The following DGKI variants were observed in gnomAD, a reference collection of about 807,000 sequenced individuals.
DGKI encodes diacylglycerol kinase iota.
Under a neutral mutation model 147.5 loss-of-function variants are expected in DGKI, and 55 were observed. The ratio of observed to expected loss-of-function variants is 0.37; its 90% CI spans 0.30 to 0.47. The LOEUF is 0.47. Ranked by LOEUF, DGKI falls within the 20% of genes least tolerant of loss-of-function variation. DGKI has a pLI of 1.00. For synonymous variants in DGKI, 469 were observed against 477.1 expected (o/e 0.98, Z 0.22); for missense variants, 1,007 against 1,323.8 (o/e 0.76, Z 3.71).
At chr7:137,412,055 C>A in intron 29 of DGKI, 115 bp downstream of exon 29, 1 of 1,002,864 alleles carries the variant, frequency 1.0e-6, no homozygotes. Context: ...TTCTACCCAG[C>A]CAGTGCAAGC....
chr7:137,553,651 T>C (rs953952850), intron 19 of DGKI, among the ~76,000 whole-genome samples: 1 of 152,204 alleles, frequency 6.6e-6, no homozygotes, highest in African/African-American at 2.4e-5. Flanking sequence ...CAAATTTTAT[T>C]ATACAGTTTA....
chr7:137,715,978 A>G (rs1485673041), intron 1 of DGKI, among the ~76,000 whole-genome samples: 1 of 152,196 alleles, frequency 6.6e-6, no homozygotes, highest in Non-Finnish European at 1.5e-5. Context: ...GCTGGTTACA[A>G]AAAGTCACCC....
intron 15 of DGKI, among the ~76,000 whole-genome samples, chr7:137,581,640 G>A (rs1213193698): frequency 6.6e-6 from 1 of 151,928 alleles, no homozygotes; most frequent in Non-Finnish European, 1.5e-5. Context: ...CTAGGTCTCA[G>A]GGTCCCATTT....
intron 6 of DGKI, among the ~76,000 whole-genome samples, chr7:137,634,773 C>A (rs1183754486): frequency 6.6e-6 from 1 of 152,174 alleles, no homozygotes; most frequent in Non-Finnish European, 1.5e-5. Context: ...CATGGATCAA[C>A]TTGGTATATA....
At chr7:137,702,410 G>A (rs1824014480) in intron 1 of DGKI, among the ~76,000 whole-genome samples, 1 of 152,134 alleles carries the variant, frequency 6.6e-6, no homozygotes, top group African/African-American at 2.4e-5. Flanking sequence ...AGCAGGAATA[G>A]CAGAGCCATA....
chr7:137,665,530 G>A (rs986011392), intron 3 of DGKI, among the ~76,000 whole-genome samples: 5 of 152,100 alleles, frequency 3.3e-5, no homozygotes, highest in Middle Eastern at 3.2e-3. Flanking sequence ...GATGCTCTTC[G>A]AACAGCGTGT....
chr7:137,469,400 C>T, intron 24 of DGKI, 150 bp downstream of exon 24: 2 of 706,704 alleles, frequency 2.8e-6, no homozygotes, highest in South Asian at 3.8e-5. Context: ...AGCAGGCCCA[C>T]ATTGTTCCGC....
chr7:137,638,565 C>T (rs1271348153), intron 6 of DGKI, among the ~76,000 whole-genome samples: 12 of 33,062 alleles, frequency 3.6e-4, no homozygotes, highest in African/African-American at 9.7e-4. Flanking sequence ...TATATATATA[C>T]ACACATATAT....
intron 6 of DGKI, among the ~76,000 whole-genome samples, chr7:137,643,907 C>G (rs551946866): frequency 1.3e-5 from 2 of 152,220 alleles, no homozygotes; most frequent in Admixed American, 6.5e-5. Flanking sequence ...AGATATTTTT[C>G]CAAAGTGAAG....
At chr7:137,684,525 C>A (rs1164590250) in intron 2 of DGKI, among the ~76,000 whole-genome samples, 1 of 152,068 alleles carries the variant, frequency 6.6e-6, no homozygotes, top group Non-Finnish European at 1.5e-5. Context: ...AAGATTAGAC[C>A]GAGACACTTC....
At chr7:137,522,061 T>C in intron 20 of DGKI, 95 bp from the exon 21 acceptor site, 2 of 844,166 alleles carry the variant, frequency 2.4e-6, no homozygotes, top group Non-Finnish European at 3.7e-6. Context: ...TCTCTTCATG[T>C]TTAGAAGGAA....
chr7:137,811,241 T>C (rs1365369084), intron 1 of DGKI, among the ~76,000 whole-genome samples: 1 of 152,070 alleles, frequency 6.6e-6, no homozygotes, highest in Non-Finnish European at 1.5e-5. Context: ...TTAATGATAT[T>C]ACACAGGAAG....
intron 20 of DGKI, among the ~76,000 whole-genome samples, chr7:137,535,126 T>C (rs760330033): frequency 6.6e-6 from 1 of 152,166 alleles, no homozygotes; most frequent in African/African-American, 2.4e-5. Flanking sequence ...TGGTACTTTG[T>C]TATGGCAGTC....
chr7:137,645,709 G>A (rs1013871700), intron 5 of DGKI, among the ~76,000 whole-genome samples, 172 bp from the exon 6 acceptor site: 1 of 152,142 alleles, frequency 6.6e-6, no homozygotes, highest in Non-Finnish European at 1.5e-5. Flanking sequence ...GGGAACTACA[G>A]GCATGAGCTA....
chr7:137,419,605 A>T (rs1161742637), intron 28 of DGKI, among the ~76,000 whole-genome samples: 1 of 152,224 alleles, frequency 6.6e-6, no homozygotes, highest in African/African-American at 2.4e-5. Flanking sequence ...ATTCACAGGT[A>T]TGGATGACCG....
At chr7:137,446,042 T>G (rs1480050706) in intron 27 of DGKI, among the ~76,000 whole-genome samples, 1 of 152,200 alleles carries the variant, frequency 6.6e-6, no homozygotes, top group Non-Finnish European at 1.5e-5. Flanking sequence ...TGTTTGCTGA[T>G]GAGAAGTAAG....
chr7:137,502,025 A>T (rs187666531), intron 21 of DGKI, among the ~76,000 whole-genome samples: 20 of 152,306 alleles, frequency 1.3e-4, no homozygotes, highest in Admixed American at 1.2e-3. Context: ...GCCTGTCGCC[A>T]TTCACATAAG....
At chr7:137,523,455 A>T (rs1585197124) in intron 20 of DGKI, among the ~76,000 whole-genome samples, 1 of 149,326 alleles carries the variant, frequency 6.7e-6, no homozygotes, top group South Asian at 2.2e-4. Context: ...TCTCTCTCAC[A>T]CACACACAGA....
In DGKI at chr7:137,384,690, G is replaced by A. The variant is rs912324625; in HGVS notation, c.*6530C>T. On this transcript the variant is annotated 3_prime_UTR_variant, in exon 33 of 33. Coordinates refer to ENST00000614521, the MANE Select transcript of DGKI (RefSeq NM_001321708.2). ...CTCAAACATGTCAATACATCATAAC[G>A]CTAAAGCACTTTTTAATTCTTGAAA... is the stretch of plus-strand genomic sequence containing the variant. 1.3e-5 allele frequency: 2 copies of A among 151,920 alleles called. No homozygotes were observed. The highest frequency in any genetic ancestry group is 1.9e-4 in the East Asian group (1 of 5,188). The allele number at this position is 151,920 out of a possible 1,614,324, so 9.4% of individuals were successfully genotyped here. A position where few individuals can be genotyped will look rare whatever the true frequency, so the allele number is the denominator to read the frequency against.
Sources: allele counts gnomAD v4.1 joint callset (sites outside exome capture counted in the v4.1 genomes callset), GRCh38; gene constraint gnomAD v4.1.1; transcripts MANE v1.5; gene names NCBI Gene and HGNC (gene_info 2026-07-23, HGNC 2026-07-21).